The following NYX variants were observed in gnomAD, a reference collection of about 807,000 sequenced individuals.
NYX encodes leucine-rich repeat protein.
For missense variants in NYX, 481 were observed against 485.4 expected, an observed-to-expected ratio of 0.99 and a Z score of 0.09; for synonymous variants, 258 against 245.7, an observed-to-expected ratio of 1.05 and a Z score of -0.47.
chrX:41,451,527 C>T (rs2064279793), intron 2 of NYX, among the ~76,000 whole-genome samples: 1 of 111,308 alleles, frequency 9.0e-6, no homozygotes, highest in African/African-American at 3.3e-5. Context: ...ATTTCATTTC[C>T]TTTTGAGACA....
At chrX:41,472,256 C>A in intron 2 of NYX, 1 of 1,037,512 alleles carries the variant, frequency 9.6e-7, no homozygotes, top group Non-Finnish European at 1.3e-6. Flanking sequence ...TGAACAATAT[C>A]TTTATGGCTT....
At position 41,474,368 on chromosome X, in the gene NYX, C is replaced by T. The variant is rs560823176; in HGVS notation, c.900C>T (p.Leu300=). The change falls in exon 3 of 3, where the codon CTC becomes CTT. Residue 300 remains leucine (L), a synonymous_variant. Transcript: ENST00000378220. ...EGAFQNLSGL[L]ALHLNGNRLT... ...CCTTCCAGAACCTCTCGGGTCTCCT[C>T]GCGCTGCACCTCAACGGCAACCGCC... is the stretch of plus-strand genomic sequence containing the variant. The T allele has an allele frequency of 9.9e-6, 12 of 1,206,751 alleles. No individual in the cohort carries two copies. The African/African-American group carries it at 1.6e-4, about 16-fold the overall frequency.
chrX:41,473,600 C>A lies in NYX; in HGVS notation c.132C>A (p.Asp44Glu). The A allele has an allele frequency of 2.0e-6, 2 of 1,022,404 alleles. No individual in the cohort carries two copies. The highest frequency in any genetic ancestry group is 2.5e-6 in the Non-Finnish European group (2 of 803,156). The allele number at this position is 1,022,404 out of a possible 1,213,427, so 84.3% of individuals were successfully genotyped here. Residue 44 changes from aspartate to glutamate, a missense_variant, in exon 3 of 3, where the codon GAC (aspartate) becomes GAA (glutamate). Transcript: ENST00000378220. ...AGCGCGGCTGCTCGGTGCGCTGCGACCGCGCGGGCCTCCTGCGGGTGCCGG... is the reference window on the plus strand; with the variant it reads ...AGCGCGGCTGCTCGGTGCGCTGCGAACGCGCGGGCCTCCTGCGGGTGCCGG... The part of the protein sequence containing the change: ...TVERGCSVRC[D>E]RAGLLRVPAE...
At chrX:41,466,114 C>T (rs1225743731) in intron 2 of NYX, among the ~76,000 whole-genome samples, 1 of 111,994 alleles carries the variant, frequency 8.9e-6, no homozygotes, top group Non-Finnish European at 1.9e-5. Context: ...CTTCACTCAC[C>T]ATGTGCTGTG....
chrX:41,473,459 C>T (rs2064370540), intron 2 of NYX, 32 bp from the exon 3 acceptor site: 1 of 964,400 alleles, frequency 1.0e-6, no homozygotes, highest in East Asian at 4.5e-5. Flanking sequence ...TTTTCTCCTC[C>T]TTCCCGACTC....
chrX:41,450,550 T>G (rs1225382511), intron 2 of NYX, among the ~76,000 whole-genome samples: 1 of 109,458 alleles, frequency 9.1e-6, no homozygotes, highest in Admixed American at 1.0e-4. Context: ...GGATTACAGG[T>G]GTGAGCCACC....
At chrX:41,467,910 T>C (rs1035175108) in intron 2 of NYX, among the ~76,000 whole-genome samples, 3 of 110,909 alleles carry the variant, frequency 2.7e-5, no homozygotes, top group African/African-American at 9.8e-5. Flanking sequence ...CCTCCTGCCA[T>C]AGCCTCACAA....
chrX:41,474,442 G>T lies in NYX; in HGVS notation c.974G>T (p.Arg325Leu). The T allele has an allele frequency of 1.7e-6, 2 of 1,208,479 alleles. No homozygotes were observed. Among genetic ancestry groups the T allele is most frequent in the Non-Finnish European group, 2.2e-6 (2 of 895,389 alleles). ...TTCCAGCCCGGCTTCTTCCTGGGCC[G>T]CCTCTTCCTCTTCCGCAACCCGTGG... Reference protein sequence around the residue: ...VAFQPGFFLGRLFLFRNPWCC... With the variant: ...VAFQPGFFLGLLFLFRNPWCC... Residue 325 changes from arginine (R) to leucine (L), a missense_variant, in exon 3 of 3, where the codon CGC becomes CTC. Physicochemically the swap from Arg to Leu is moderately radical, Grantham distance 102. Transcript: ENST00000378220.
chrX:41,456,718 T>A (rs1408276826), intron 2 of NYX, among the ~76,000 whole-genome samples: 1 of 112,116 alleles, frequency 8.9e-6, no homozygotes. Context: ...GACAAAGCTA[T>A]GTCACATGCC....
rs1426205599 is a variant in NYX, at chrX:41,473,882, A to G, written c.414A>G (p.Ala138=). The change falls in exon 3 of 3, where the codon GCA becomes GCG. Residue 138 remains alanine, a synonymous_variant. Coordinates refer to ENST00000378220, the MANE Select transcript of NYX (RefSeq NM_001378477.3). ...ALSRLRRLDL[A]ACRLFSVPER... ...GCCGCCTGCGCCGCCTAGACCTAGC[A>G]GCCTGCCGCCTCTTCAGCGTGCCCG... 1 of 1,129,715 alleles carries G rather than the reference A, an allele frequency of 8.9e-7. No homozygotes were observed. The highest frequency in any genetic ancestry group is 1.2e-6 in the Non-Finnish European group (1 of 861,445). 93.1% of individuals were successfully genotyped at this position (1,129,715 alleles called of 1,213,427 possible).
chrX:41,454,524 G>A (rs2064292612), intron 2 of NYX, among the ~76,000 whole-genome samples: 1 of 110,719 alleles, frequency 9.0e-6, no homozygotes. Flanking sequence ...TATTGGCCAG[G>A]CTGGTCTTGA....
chrX:41,468,048 C>T (rs745327968), intron 2 of NYX, among the ~76,000 whole-genome samples: 159 of 111,791 alleles, frequency 1.4e-3, no homozygotes, highest in Non-Finnish European at 2.2e-3. Flanking sequence ...AAATAAGTCT[C>T]TAATAGTGAC....
Position 41,466,787 on chromosome X carries a change from C to CTT in NYX, c.23-6680_23-6679dup, listed in dbSNP as rs747247175. Among the ~76,000 whole-genome samples the CTT allele has an allele frequency of 9.4e-3, 192 of 20,503 alleles. 1 individual carries two copies. Among genetic ancestry groups the CTT allele is most frequent in the Middle Eastern group, 0.059 (1 of 17 alleles). 17.8% of individuals were successfully genotyped at this position (20,503 alleles called of 115,157 possible). A position where few individuals can be genotyped will look rare whatever the true frequency, so the allele number is the denominator to read the frequency against. On this transcript the variant is annotated intron_variant, in intron 2 of 2. Coordinates refer to ENST00000378220, the MANE Select transcript of NYX (RefSeq NM_001378477.3). ...GTTTCGCCATGTTGGCCAGACTGGTCTTTTTTTTTTTTTTTTTTTTTTTTT... is the reference window on the plus strand; with the variant it reads ...GTTTCGCCATGTTGGCCAGACTGGTCTTTTTTTTTTTTTTTTTTTTTTTTTTT...
chrX:41,462,839 T>G (rs1377721582), intron 2 of NYX, among the ~76,000 whole-genome samples: 1 of 111,775 alleles, frequency 8.9e-6, no homozygotes, highest in Non-Finnish European at 1.9e-5. Flanking sequence ...TCTTCATATA[T>G]TTTAAATACA....
rs1335308569 is a variant in NYX, at chrX:41,460,876, A to ATTCTTTT, written c.23-12613_23-12612insCTTTTTT. ...ATGTAAGCGGAGTCACACAGTATGT[A>ATTCTTTT]TTTTTTTTTTTTTTTTTTTTTTTTT... On this transcript the variant is annotated intron_variant, in intron 2 of 2. Transcript: ENST00000378220. Among the ~76,000 whole-genome samples the ATTCTTTT allele has an allele frequency of 7.8e-3, 194 of 24,758 alleles. 24 individuals are homozygous for ATTCTTTT. Among genetic ancestry groups the ATTCTTTT allele is most frequent in the Admixed American group, 0.02 (30 of 1,477 alleles). 21.5% of individuals were successfully genotyped at this position (24,758 alleles called of 115,157 possible).
chrX:41,460,876 A>ATTTTTTTT (rs59383905), intron 2 of NYX, among the ~76,000 whole-genome samples: 12 of 24,781 alleles, frequency 4.8e-4, no homozygotes, highest in Non-Finnish European at 6.2e-4. Flanking sequence ...CACAGTATGT[A>ATTTTTTTT]TTTTTTTTTT....
intron 2 of NYX, among the ~76,000 whole-genome samples, chrX:41,450,829 T>TATATATATATATA (rs1491392464): frequency 1.0e-4 from 1 of 10,023 alleles, no homozygotes; most frequent in Non-Finnish European, 1.6e-4. Flanking sequence ...TATATATATA[T>TATATATATATATA]TTTTTTTTTT....
chrX:41,473,474 C>A lies in NYX; in HGVS notation c.23-17C>A. The A allele has an allele frequency of 1.0e-6, 1 of 971,388 alleles. No individual in the cohort carries two copies. Among genetic ancestry groups the A allele is most frequent in the Non-Finnish European group, 1.3e-6 (1 of 775,173 alleles). 80.1% of individuals were successfully genotyped at this position (971,388 alleles called of 1,213,427 possible). A position where few individuals can be genotyped will look rare whatever the true frequency, so the allele number is the denominator to read the frequency against. The stretch of plus-strand genomic sequence containing the variant: ...TTTTCTCCTCCTTCCCGACTCCCCA[C>A]CACCCTGTCCCCGCAGCGGTGGTCC... On this transcript the variant is annotated splice_polypyrimidine_tract_variant and intron_variant, in intron 2 of 2. Transcript: ENST00000378220.
chrX:41,463,840 G>A (rs60473256), intron 2 of NYX, among the ~76,000 whole-genome samples: 1 of 111,567 alleles, frequency 9.0e-6, no homozygotes, highest in African/African-American at 3.3e-5. Context: ...CAAAGTGCTG[G>A]GATTACAGGG....
Sources: gnomAD v4.1 joint callset for allele counts (sites outside exome capture counted in the v4.1 genomes callset) on GRCh38, gnomAD v4.1.1 for gene constraint, MANE v1.5 for transcripts, NCBI Gene and HGNC (gene_info 2026-07-23, HGNC 2026-07-21) for gene names.